Variants in CTNNBIP1 observed in about 807,000 individuals in gnomAD.
The protein encoded by CTNNBIP1 is catenin beta interacting protein 1.
Under a neutral mutation model 11.8 loss-of-function variants are expected in CTNNBIP1, and 7 were observed. That is an observed-to-expected ratio of 0.60 (90% CI 0.34 to 1.12). The LOEUF (loss-of-function observed/expected upper bound fraction) is 1.12. Among genes scored for constraint, CTNNBIP1 ranks in the 50% most tolerant of loss-of-function variants. The probability of loss-of-function intolerance (pLI) is 0.03; values close to 1 mark genes in which losing one functional copy is unlikely to be tolerated. For synonymous variants in CTNNBIP1, 58 were observed against 43.9 expected, an observed-to-expected ratio of 1.32 and a Z score of -1.26; for missense variants, 101 against 113.4, an observed-to-expected ratio of 0.89 and a Z score of 0.50.
intron 1 of CTNNBIP1, among the ~76,000 whole-genome samples, chr1:9,891,810 T>TTTTG (rs1639306762): frequency 9.3e-6 from 1 of 107,396 alleles, no homozygotes; most frequent in Non-Finnish European, 1.8e-5. Context: ...TTTTTTTTTT[T>TTTTG]GGAGATGGGG....
intron 3 of CTNNBIP1, among the ~76,000 whole-genome samples, chr1:9,873,022 C>T (rs531907703): frequency 6.6e-6 from 1 of 152,288 alleles, no homozygotes; most frequent in South Asian, 2.1e-4. Context: ...CTCACACCAT[C>T]CATCCCTCCA....
intron 5 of CTNNBIP1, among the ~76,000 whole-genome samples, chr1:9,860,713 A>G (rs1156992540): frequency 6.6e-6 from 1 of 151,574 alleles, no homozygotes; most frequent in African/African-American, 2.4e-5. Flanking sequence ...CTGCCACATC[A>G]TCCTGCAAGA....
chr1:9,906,027 A>G (rs1639613988), intron 1 of CTNNBIP1, among the ~76,000 whole-genome samples: 1 of 152,210 alleles, frequency 6.6e-6, no homozygotes, highest in African/African-American at 2.4e-5. Flanking sequence ...AAAAAGGCGA[A>G]ATAATGGTTA....
At chr1:9,863,312 C>A (rs961921582) in intron 5 of CTNNBIP1, among the ~76,000 whole-genome samples, 1 of 152,148 alleles carries the variant, frequency 6.6e-6, no homozygotes. Context: ...ACAGGTAATT[C>A]TCATATAAGT....
intron 1 of CTNNBIP1, among the ~76,000 whole-genome samples, chr1:9,895,444 C>T (rs1237222316): frequency 2.6e-5 from 4 of 151,878 alleles, no homozygotes; most frequent in South Asian, 2.1e-4. Flanking sequence ...GTGATCCGCC[C>T]GCCTCAGCCT....
chr1:9,904,936 C>T (rs1639588736), intron 1 of CTNNBIP1, among the ~76,000 whole-genome samples: 1 of 152,140 alleles, frequency 6.6e-6, no homozygotes, highest in Non-Finnish European at 1.5e-5. Context: ...GACACACATA[C>T]CAGGACTGTC....
At chr1:9,903,926 T>C (rs1639570949) in intron 1 of CTNNBIP1, among the ~76,000 whole-genome samples, 1 of 152,242 alleles carries the variant, frequency 6.6e-6, no homozygotes, top group African/African-American at 2.4e-5. Context: ...GGTTTGAATC[T>C]GATTCTGTTC....
intron 5 of CTNNBIP1, among the ~76,000 whole-genome samples, chr1:9,855,520 A>C (rs1290230736): frequency 6.6e-6 from 1 of 152,174 alleles, no homozygotes; most frequent in African/African-American, 2.4e-5. Context: ...AAGGGTGCCA[A>C]GACAATTCAG....
At chr1:9,891,190 A>G (rs755164440) in intron 1 of CTNNBIP1, among the ~76,000 whole-genome samples, 20 of 152,288 alleles carry the variant, frequency 1.3e-4, no homozygotes, top group Admixed American at 1.3e-4. Flanking sequence ...CACAAGGTAC[A>G]TAAGGTCCCT....
chr1:9,898,507 A>T (rs1435022997), intron 1 of CTNNBIP1, among the ~76,000 whole-genome samples: 2 of 152,210 alleles, frequency 1.3e-5, no homozygotes, highest in African/African-American at 2.4e-5. Flanking sequence ...CTGGCAACAC[A>T]GCGAGACTGT....
intron 1 of CTNNBIP1, among the ~76,000 whole-genome samples, chr1:9,901,277 C>T (rs1639516070): frequency 6.6e-6 from 1 of 152,118 alleles, no homozygotes; most frequent in Admixed American, 6.6e-5. Flanking sequence ...TCTGGGAAGC[C>T]AGGGCTGCCT....
chr1:9,864,587 G>A (rs544300644), intron 5 of CTNNBIP1, among the ~76,000 whole-genome samples: 19 of 152,140 alleles, frequency 1.2e-4, no homozygotes, highest in Admixed American at 1.1e-3. Flanking sequence ...CTTGGCCTCC[G>A]AAAGTGCTGA....
intron 1 of CTNNBIP1, among the ~76,000 whole-genome samples, chr1:9,904,784 A>G (rs577786613): frequency 7.4e-4 from 113 of 152,342 alleles, no homozygotes; most frequent in African/African-American, 2.3e-3. Flanking sequence ...ACTCACACAG[A>G]GAGGAGCAGA....
chr1:9,902,145 T>C (rs1639534424), intron 1 of CTNNBIP1, among the ~76,000 whole-genome samples: 1 of 152,054 alleles, frequency 6.6e-6, no homozygotes, highest in Non-Finnish European at 1.5e-5. Context: ...CCAGAGGACA[T>C]AGGTGTCCAT....
At chr1:9,906,886 T>C (rs933073971) in intron 1 of CTNNBIP1, among the ~76,000 whole-genome samples, 8 of 152,188 alleles carry the variant, frequency 5.3e-5, no homozygotes, top group Admixed American at 3.9e-4. Context: ...TCAGACACTG[T>C]GGACGATGCA....
intron 1 of CTNNBIP1, among the ~76,000 whole-genome samples, chr1:9,909,594 G>A (rs1330153959): frequency 1.3e-5 from 2 of 152,132 alleles, no homozygotes; most frequent in Non-Finnish European, 2.9e-5. Flanking sequence ...ATACACGCCC[G>A]CCATCCAGGT....
At chr1:9,907,295 C>T (rs757777265) in intron 1 of CTNNBIP1, among the ~76,000 whole-genome samples, 7 of 152,194 alleles carry the variant, frequency 4.6e-5, no homozygotes, top group Non-Finnish European at 7.4e-5. Context: ...CTCAGCCTCT[C>T]GAGTAGCTGG....
chr1:9,848,635 T>TGTGTGTGCACATGTGTATGA lies in CTNNBIP1; in HGVS notation c.*2063_*2082dup, dbSNP rs1638313053. On this transcript the variant is annotated 3_prime_UTR_variant, in exon 6 of 6. Transcript: ENST00000377263. The surrounding 1 kb of genome is among the most constrained non-coding windows in gnomAD (Gnocchi z 4.3). ...CAGGCCCCTGAGCGGGGAGAGTGCGTGTGTGTGCACATGTGTATGAGTGTG... is the reference window on the plus strand; with the variant it reads ...CAGGCCCCTGAGCGGGGAGAGTGCGTGTGTGTGCACATGTGTATGAGTGTGTGCACATGTGTATGAGTGTG... 6.6e-6 allele frequency: 1 copy of TGTGTGTGCACATGTGTATGA among 152,194 alleles called. No homozygotes were observed. Among genetic ancestry groups the TGTGTGTGCACATGTGTATGA allele is most frequent in the Non-Finnish European group, 1.5e-5 (1 of 68,042 alleles). 9.4% of individuals were successfully genotyped at this position (152,194 alleles called of 1,614,324 possible). A position where few individuals can be genotyped will look rare whatever the true frequency, so the allele number is the denominator to read the frequency against.
At chr1:9,856,998 T>C (rs1557744441) in intron 5 of CTNNBIP1, among the ~76,000 whole-genome samples, 2 of 151,678 alleles carry the variant, frequency 1.3e-5, no homozygotes, top group African/African-American at 4.8e-5. Flanking sequence ...GGCGGGCACC[T>C]GTAGTCCCAG....
Sources: allele counts gnomAD v4.1 joint callset (sites outside exome capture counted in the v4.1 genomes callset), GRCh38; gene constraint gnomAD v4.1.1; non-coding constraint Gnocchi (gnomAD v3.1); transcripts MANE v1.5; gene names NCBI Gene and HGNC (gene_info 2026-07-23, HGNC 2026-07-21).